The following IL1RAPL1 variants were observed in gnomAD, a reference collection of about 807,000 sequenced individuals.
The protein encoded by IL1RAPL1 is interleukin-1 receptor accessory protein-like 1.
A neutral mutation model predicts 48.4 loss-of-function variants in IL1RAPL1; 3 were observed. The observed-to-expected ratio is 0.06, with a 90% CI of 0.03 to 0.16. IL1RAPL1 has a LOEUF of 0.16. Among genes scored for constraint, IL1RAPL1 ranks in the 10% least tolerant of loss-of-function variants. IL1RAPL1 has a pLI of 1.00. For synonymous variants in IL1RAPL1, 185 were observed against 187.7 expected (o/e 0.99, Z 0.12); for missense variants, 349 against 530.6 (o/e 0.66, Z 3.36).
At chrX:29,724,037 A>G (rs757499547) in intron 6 of IL1RAPL1, among the ~76,000 whole-genome samples, 12 of 110,728 alleles carry the variant, frequency 1.1e-4, no homozygotes, top group Middle Eastern at 4.6e-3. Flanking sequence ...CTGGTCTCGA[A>G]CTCCTAACCT....
chrX:28,850,705 A>G (rs1345194402), intron 2 of IL1RAPL1, among the ~76,000 whole-genome samples: 1 of 110,452 alleles, frequency 9.1e-6, no homozygotes, highest in Non-Finnish European at 1.9e-5. Flanking sequence ...TTCCAGGAGG[A>G]GAACCTGGAT....
chrX:29,101,293 A>T (rs1473353715), intron 2 of IL1RAPL1, among the ~76,000 whole-genome samples: 2 of 112,362 alleles, frequency 1.8e-5, no homozygotes, highest in Non-Finnish European at 3.8e-5. Context: ...ACTTACCAAG[A>T]TTAAGTCATG....
intron 6 of IL1RAPL1, among the ~76,000 whole-genome samples, chrX:29,725,276 C>T (rs1205467965): frequency 9.0e-6 from 1 of 111,110 alleles, no homozygotes; most frequent in African/African-American, 3.3e-5. Context: ...ATAAAAAAGA[C>T]AGCTTAGTCT....
chrX:29,886,726 A>G (rs1238814409), intron 6 of IL1RAPL1, among the ~76,000 whole-genome samples: 1 of 112,227 alleles, frequency 8.9e-6, no homozygotes, highest in Non-Finnish European at 1.9e-5. Context: ...TACAATTTAG[A>G]TAGAAATAAG....
intron 2 of IL1RAPL1, among the ~76,000 whole-genome samples, chrX:28,895,369 T>C (rs1283644277): frequency 6.5e-5 from 7 of 107,515 alleles, no homozygotes; most frequent in Non-Finnish European, 1.9e-5. Context: ...ATATTGGCAT[T>C]GAGGGGGGTA....
intron 2 of IL1RAPL1, among the ~76,000 whole-genome samples, chrX:28,831,022 CTCTCTGTGTGTG>C (rs1921034490): frequency 1.5e-5 from 1 of 64,979 alleles, no homozygotes; most frequent in African/African-American, 7.2e-5. Context: ...CTCTCTCTCT[CTCTCTGTGTGTG>C]TGTGTGTGTG....
At chrX:29,105,498 G>T (rs1351697207) in intron 2 of IL1RAPL1, among the ~76,000 whole-genome samples, 1 of 112,067 alleles carries the variant, frequency 8.9e-6, no homozygotes, top group Non-Finnish European at 1.9e-5. Flanking sequence ...TGCTGCTACA[G>T]ATAATCACAG....
intron 2 of IL1RAPL1, among the ~76,000 whole-genome samples, chrX:29,281,521 C>T (rs750845794): frequency 9.0e-6 from 1 of 111,186 alleles, no homozygotes; most frequent in East Asian, 2.8e-4. Context: ...GCATTTCCCA[C>T]CATGGTTTCT....
chrX:28,999,099 A>G (rs1278350426), intron 2 of IL1RAPL1, among the ~76,000 whole-genome samples: 1 of 111,317 alleles, frequency 9.0e-6, no homozygotes, highest in African/African-American at 3.3e-5. Context: ...TGACATGTTC[A>G]TAATTATGAG....
intron 5 of IL1RAPL1, among the ~76,000 whole-genome samples, chrX:29,494,710 A>G (rs1266244939): frequency 8.9e-6 from 1 of 112,447 alleles, no homozygotes; most frequent in Non-Finnish European, 1.9e-5. Flanking sequence ...TTCCCTTTAG[A>G]TAGGCTTAAG....
chrX:29,076,798 G>GTCTATCTATCTATCTA (rs369681917), intron 2 of IL1RAPL1, among the ~76,000 whole-genome samples: 4,254 of 85,180 alleles, frequency 0.05, 120 homozygotes, highest in Non-Finnish European at 0.062. Context: ...CTGTCTGTCT[G>GTCTATCTATCTATCTA]TCTGTCTATC....
chrX:29,591,554 C>G (rs894627838), intron 5 of IL1RAPL1, among the ~76,000 whole-genome samples: 1 of 112,072 alleles, frequency 8.9e-6, no homozygotes, highest in Non-Finnish European at 1.9e-5. Flanking sequence ...TCCCTCTGCC[C>G]TTGTCTTCTT....
chrX:29,813,188 A>G (rs748771918), intron 6 of IL1RAPL1, among the ~76,000 whole-genome samples: 6 of 111,898 alleles, frequency 5.4e-5, no homozygotes, highest in Non-Finnish European at 9.4e-5. Context: ...GTATGTATGT[A>G]TTTCACACCT....
At chrX:29,663,456 G>A (rs1180674722) in intron 5 of IL1RAPL1, among the ~76,000 whole-genome samples, 3 of 111,971 alleles carry the variant, frequency 2.7e-5, no homozygotes, top group Non-Finnish European at 1.9e-5. Flanking sequence ...CCTTATGAAT[G>A]ACTCTATGTC....
intron 2 of IL1RAPL1, among the ~76,000 whole-genome samples, chrX:28,886,886 C>A (rs953401003): frequency 9.0e-6 from 1 of 111,444 alleles, no homozygotes; most frequent in African/African-American, 3.3e-5. Context: ...AAAATCAAAA[C>A]TGTTATTTGA....
intron 2 of IL1RAPL1, among the ~76,000 whole-genome samples, chrX:29,102,138 C>T (rs889787013): frequency 9.1e-6 from 1 of 109,673 alleles, no homozygotes; most frequent in African/African-American, 3.3e-5. Context: ...TAAAAAAAAA[C>T]ACCCTTAAAA....
At chrX:29,616,689 T>C (rs960029688) in intron 5 of IL1RAPL1, among the ~76,000 whole-genome samples, 3 of 110,610 alleles carry the variant, frequency 2.7e-5, no homozygotes, top group Non-Finnish European at 5.7e-5. Context: ...GGAGTGGTCA[T>C]GTAGGAGGAA....
At chrX:28,684,530 A>G (rs1935092232) in intron 1 of IL1RAPL1, among the ~76,000 whole-genome samples, 1 of 112,150 alleles carries the variant, frequency 8.9e-6, no homozygotes, top group Non-Finnish European at 1.9e-5. Flanking sequence ...TATGTTCTAA[A>G]ACTAACTTGA....
At chrX:29,744,598 G>C (rs1182926548) in intron 6 of IL1RAPL1, among the ~76,000 whole-genome samples, 1 of 112,150 alleles carries the variant, frequency 8.9e-6, no homozygotes, top group Non-Finnish European at 1.9e-5. Flanking sequence ...AACTACATGT[G>C]TGATTAACTG....
Sources: allele counts gnomAD v4.1 joint callset (sites outside exome capture counted in the v4.1 genomes callset), GRCh38; gene constraint gnomAD v4.1.1; transcripts MANE v1.5; gene names NCBI Gene and HGNC (gene_info 2026-07-23, HGNC 2026-07-21).